The following CLNK variants were observed in gnomAD, a reference collection of about 807,000 sequenced individuals.
CLNK encodes cytokine-dependent hematopoietic cell linker.
In CLNK, 74 loss-of-function variants were observed where a neutral mutation model predicts 68.6. The ratio of observed to expected loss-of-function variants is 1.08; its 90% CI spans 0.89 to 1.31. The LOEUF (loss-of-function observed/expected upper bound fraction) is 1.31, where lower values mean the gene tolerates loss of function less well. CLNK is among the 50% of genes most tolerant of loss of function. The probability of loss-of-function intolerance (pLI) is 0.00; values close to 1 mark genes in which losing one functional copy is unlikely to be tolerated. For missense variants in CLNK, 553 were observed against 515.3 expected (o/e 1.07, Z -0.71); for synonymous variants, 198 against 172.2 (o/e 1.15, Z -1.17).
chr4:10,648,414 A>G (rs1723596174), intron 2 of CLNK, among the ~76,000 whole-genome samples: 1 of 152,250 alleles, frequency 6.6e-6, no homozygotes, highest in Non-Finnish European at 1.5e-5. Context: ...CATGTGCTTT[A>G]CATACATTAT....
intron 2 of CLNK, among the ~76,000 whole-genome samples, chr4:10,644,027 C>A (rs932481861): frequency 1.3e-5 from 2 of 152,242 alleles, no homozygotes; most frequent in African/African-American, 4.8e-5. Flanking sequence ...CAACATGGGG[C>A]AAGGGGGCAA....
intron 2 of CLNK, among the ~76,000 whole-genome samples, chr4:10,603,327 A>C (rs1206145659): frequency 1.3e-5 from 2 of 152,206 alleles, no homozygotes; most frequent in South Asian, 2.1e-4. Context: ...TATAATGAAA[A>C]TCAGAACTGC....
At position 10,520,364 on chromosome 4, in the gene CLNK, TAA is replaced by T. The variant is rs1358258452; in HGVS notation, c.772+425_772+426del. 2.6e-5 allele frequency among the ~76,000 whole-genome samples: 4 copies of T among 152,312 alleles called. No homozygotes were observed. The East Asian group carries it at 7.7e-4, about 29-fold the overall frequency. ...TTGCACCCAATGGATTGGGAAAAAT[TAA>T]AAGTTTGTCAAAAACAACTGTTGGA... On this transcript the variant is annotated intron_variant, in intron 15 of 18. Coordinates refer to ENST00000226951, the MANE Select transcript of CLNK (RefSeq NM_052964.4).
the CLNK span, among the ~76,000 whole-genome samples, chr4:10,709,857 G>A: frequency 7.2e-5 from 11 of 152,200 alleles, no homozygotes; most frequent in African/African-American, 2.6e-4. Context: ...GCAGACATGT[G>A]AAGCCATCCA....
chr4:10,658,883 T>C (rs539541171), intron 2 of CLNK, among the ~76,000 whole-genome samples: 1 of 152,340 alleles, frequency 6.6e-6, no homozygotes, highest in African/African-American at 2.4e-5. Context: ...TGGGATACGT[T>C]GTTGTAGCCA....
At chr4:10,729,210 C>A in the CLNK span, among the ~76,000 whole-genome samples, 2 of 152,126 alleles carry the variant, frequency 1.3e-5, no homozygotes, top group Non-Finnish European at 2.9e-5. Context: ...TCTGGATTGT[C>A]TTTTACTGGT....
intron 1 of CLNK, among the ~76,000 whole-genome samples, chr4:10,668,790 G>C (rs541454427): frequency 6.6e-6 from 1 of 152,264 alleles, no homozygotes; most frequent in Non-Finnish European, 1.5e-5. Flanking sequence ...GGAGGGAGCT[G>C]TGTTGGGTGG....
intron 2 of CLNK, among the ~76,000 whole-genome samples, chr4:10,662,444 C>T (rs531364584): frequency 6.6e-6 from 1 of 152,274 alleles, no homozygotes; most frequent in East Asian, 1.9e-4. Context: ...TGTAGTGAAA[C>T]ATGTGATGGT....
intron 11 of CLNK, among the ~76,000 whole-genome samples, chr4:10,539,984 G>T (rs1253696331): frequency 6.6e-6 from 1 of 152,190 alleles, no homozygotes; most frequent in Non-Finnish European, 1.5e-5. Context: ...TTCCTGCAAA[G>T]AATCAAAACA....
the CLNK span, among the ~76,000 whole-genome samples, chr4:10,731,521 C>A: frequency 2.0e-5 from 3 of 152,196 alleles, no homozygotes; most frequent in African/African-American, 4.8e-5. Flanking sequence ...CAAAGAAAGA[C>A]AGATTCTTCC....
intron 2 of CLNK, among the ~76,000 whole-genome samples, chr4:10,604,582 C>CT (rs11319798): frequency 0.057 from 8,058 of 141,290 alleles, 247 homozygotes; most frequent in Middle Eastern, 0.091. Flanking sequence ...CTTGTCACAG[C>CT]TTTTTTTTTT....
intron 4 of CLNK, among the ~76,000 whole-genome samples, chr4:10,582,400 T>C (rs1035277491): frequency 6.6e-6 from 1 of 152,224 alleles, no homozygotes; most frequent in East Asian, 1.9e-4. Context: ...AGTAGTATTT[T>C]CCCTGACAAG....
chr4:10,719,038 T>C, the CLNK span, among the ~76,000 whole-genome samples: 1 of 151,904 alleles, frequency 6.6e-6, no homozygotes, highest in Non-Finnish European at 1.5e-5. Flanking sequence ...ATAAACCTCT[T>C]CAAAAAGATA....
rs564641657 is a variant in CLNK, at chr4:10,553,548, C to T, written c.445+4859G>A. 2.4e-4 allele frequency among the ~76,000 whole-genome samples: 37 copies of T among 152,078 alleles called. No homozygotes were observed. In the East Asian group the frequency reaches 4.6e-3, roughly 19 times the overall value. On this transcript the variant is annotated intron_variant, in intron 8 of 18. Transcript: ENST00000226951. ...CTCGCTGCAACCTCCGCCTCCCAGG[C>T]TCAAGCAATTCTCCTGCCTCAGCCT...
intron 2 of CLNK, among the ~76,000 whole-genome samples, chr4:10,664,385 A>T (rs1049889146): frequency 6.6e-6 from 1 of 152,208 alleles, no homozygotes; most frequent in Non-Finnish European, 1.5e-5. Flanking sequence ...AATTTTGACA[A>T]AGGAAGTGAG....
the CLNK span, among the ~76,000 whole-genome samples, chr4:10,713,521 A>T: frequency 6.6e-6 from 1 of 152,082 alleles, no homozygotes; most frequent in Admixed American, 6.6e-5. Context: ...AGCTGTAGAG[A>T]GAGACCTGGG....
chr4:10,522,572 C>CAAAA (rs58663693), intron 14 of CLNK, among the ~76,000 whole-genome samples: 3 of 116,364 alleles, frequency 2.6e-5, no homozygotes, highest in Admixed American at 9.6e-5. Context: ...GAAACTCTCT[C>CAAAA]AAAAAAAAAA....
intron 8 of CLNK, among the ~76,000 whole-genome samples, chr4:10,553,596 T>C (rs1313347390): frequency 1.3e-5 from 2 of 152,022 alleles, no homozygotes; most frequent in African/African-American, 4.8e-5. Flanking sequence ...GGACTACATG[T>C]GGACACCATC....
rs1013315193 is a variant in CLNK at position 10,684,748 on chromosome 4, G to A, written c.-123C>T. The A allele has an allele frequency of 6.6e-6, 1 of 152,182 alleles. No homozygotes were observed. The highest frequency in any genetic ancestry group is 1.5e-5 in the Non-Finnish European group (1 of 68,096). 9.4% of individuals were successfully genotyped at this position (152,182 alleles called of 1,614,324 possible). ...GGAGGGGCGGCAGTGCAGAGACCTT[G>A]GGGCACTGGAAATTAGTAAGGCGGT... On this transcript the variant is annotated 5_prime_UTR_variant, in exon 1 of 19. Transcript: ENST00000226951.
Sources: gnomAD v4.1 joint callset for allele counts (sites outside exome capture counted in the v4.1 genomes callset) on GRCh38, gnomAD v4.1.1 for gene constraint, MANE v1.5 for transcripts, NCBI Gene and HGNC (gene_info 2026-07-23, HGNC 2026-07-21) for gene names.